TDRD3: variants seen among roughly 807,000 people sequenced by gnomAD.
The protein encoded by TDRD3 is tudor domain containing 3.
In TDRD3, 45 loss-of-function variants were observed where a neutral mutation model predicts 86.7. That is an observed-to-expected ratio of 0.52 (90% CI 0.41 to 0.67). The LOEUF (loss-of-function observed/expected upper bound fraction) is 0.67, where lower values mean the gene tolerates loss of function less well. TDRD3 is among the 30% of genes least tolerant of loss of function. TDRD3 has a pLI of 0.00. For missense variants in TDRD3, 814 were observed against 889.0 expected (o/e 0.92, Z 1.07); for synonymous variants, 298 against 301.7 (o/e 0.99, Z 0.13).
At chr13:60,396,065 C>A (rs1953891825), upstream of TDRD3, among the ~76,000 whole-genome samples, 1 of 152,168 alleles carries the variant, frequency 6.6e-6, no homozygotes, top group Non-Finnish European at 1.5e-5. Flanking sequence ...GGGCAATTAT[C>A]CCCTTCCTTC....
intron 7 of TDRD3, among the ~76,000 whole-genome samples, chr13:60,489,178 C>T (rs1956522113): frequency 6.6e-6 from 1 of 152,104 alleles, no homozygotes; most frequent in Non-Finnish European, 1.5e-5. Context: ...TATTGATAGC[C>T]AAAGTTCTCT....
At chr13:60,556,676 C>T (rs1958194233) in intron 12 of TDRD3, among the ~76,000 whole-genome samples, 1 of 152,034 alleles carries the variant, frequency 6.6e-6, no homozygotes, top group African/African-American at 2.4e-5. Flanking sequence ...TTCATGAGAA[C>T]TAATAGCATT....
chr13:60,485,681 G>A, intron 6 of TDRD3, 118 bp from the exon 7 acceptor site: 1 of 803,376 alleles, frequency 1.2e-6, no homozygotes, highest in Non-Finnish European at 1.7e-6. Context: ...TTTTATTTGT[G>A]TAGGCTTTTA....
chr13:60,566,653 T>C (rs976674490), intron 12 of TDRD3, among the ~76,000 whole-genome samples: 5 of 152,172 alleles, frequency 3.3e-5, no homozygotes, highest in Non-Finnish European at 5.9e-5. Context: ...GCTAATTTTT[T>C]CTCTCTCTAA....
At chr13:60,404,601 C>T (rs909285459) in intron 1 of TDRD3, among the ~76,000 whole-genome samples, 5 of 151,128 alleles carry the variant, frequency 3.3e-5, no homozygotes, top group South Asian at 4.2e-4. Flanking sequence ...TGAGCCACCG[C>T]GCCCGGCCCT....
chr13:60,426,249 G>C (rs1360554941), intron 1 of TDRD3, among the ~76,000 whole-genome samples: 1 of 152,178 alleles, frequency 6.6e-6, no homozygotes, highest in African/African-American at 2.4e-5. Context: ...TATAGAAATA[G>C]AGAATGAAAC....
intron 1 of TDRD3, among the ~76,000 whole-genome samples, chr13:60,409,815 G>T (rs1954315620): frequency 6.6e-6 from 1 of 152,190 alleles, no homozygotes; most frequent in African/African-American, 2.4e-5. Flanking sequence ...TAAGACTTTG[G>T]TGGACTGTTC....
chr13:60,540,412 T>C (rs372505295), intron 12 of TDRD3, among the ~76,000 whole-genome samples: 1 of 152,206 alleles, frequency 6.6e-6, no homozygotes, highest in East Asian at 1.9e-4. Flanking sequence ...ACCCAGCCTT[T>C]TACCATTTTT....
intron 12 of TDRD3, among the ~76,000 whole-genome samples, chr13:60,559,494 C>T (rs561910348): frequency 2.6e-5 from 4 of 152,232 alleles, no homozygotes; most frequent in East Asian, 3.9e-4. Flanking sequence ...ATTATATATT[C>T]GTTCCTGTAC....
At chr13:60,486,455 T>C (rs1956438470) in intron 7 of TDRD3, among the ~76,000 whole-genome samples, 1 of 152,196 alleles carries the variant, frequency 6.6e-6, no homozygotes, top group Non-Finnish European at 1.5e-5. Context: ...CTTTACATTA[T>C]ATGTCTATTT....
Position 60,497,096 on chromosome 13 carries a change from A to G in TDRD3, c.858+2521A>G, listed in dbSNP as rs113325595. ...GATTGGGAGCGGCAGCTGGCACCCCACTGGATCAGAAACACAGTGGACACC... is the reference window on the plus strand; with the variant it reads ...GATTGGGAGCGGCAGCTGGCACCCCGCTGGATCAGAAACACAGTGGACACC... On this transcript the variant is annotated intron_variant, in intron 8 of 13. Transcript: ENST00000377881. 8.3e-3 allele frequency among the ~76,000 whole-genome samples: 1,269 copies of G among 152,276 alleles called. 8 individuals carry two copies. Among genetic ancestry groups the G allele is most frequent in the Middle Eastern group, 0.024 (7 of 294 alleles).
intron 7 of TDRD3, among the ~76,000 whole-genome samples, chr13:60,489,121 C>A (rs913276138): frequency 2.6e-5 from 4 of 152,102 alleles, no homozygotes; most frequent in Admixed American, 1.3e-4. Context: ...TCCAAAAAAT[C>A]TTTGCCCAGA....
chr13:60,462,684 T>C (rs968211042), intron 4 of TDRD3, among the ~76,000 whole-genome samples: 1 of 152,084 alleles, frequency 6.6e-6, no homozygotes, highest in African/African-American at 2.4e-5. Context: ...ATTATTATTA[T>C]TATTATTACA....
chr13:60,453,845 GCTGGCTTGGAGT>G (rs1955602718), intron 3 of TDRD3, among the ~76,000 whole-genome samples: 1 of 152,050 alleles, frequency 6.6e-6, no homozygotes. Flanking sequence ...TGCTTCTTGA[GCTGGCTTGGAGT>G]GCTGTTCATG....
At chr13:60,487,557 G>T (rs149038467) in intron 7 of TDRD3, among the ~76,000 whole-genome samples, 2 of 152,288 alleles carry the variant, frequency 1.3e-5, no homozygotes, top group East Asian at 1.9e-4. Flanking sequence ...TTATGTAAGC[G>T]ACTTGAGCAT....
intron 10 of TDRD3, among the ~76,000 whole-genome samples, chr13:60,513,956 G>T (rs1462072419): frequency 1.3e-5 from 2 of 152,200 alleles, no homozygotes; most frequent in Non-Finnish European, 2.9e-5. Context: ...CCGAAAATGT[G>T]GAAGTGACTT....
At chr13:60,493,410 T>A (rs961683855) in intron 7 of TDRD3, among the ~76,000 whole-genome samples, 2 of 152,032 alleles carry the variant, frequency 1.3e-5, no homozygotes, top group Admixed American at 1.3e-4. Context: ...GCCTGTAACT[T>A]CAGCACTTTG....
intron 1 of TDRD3, among the ~76,000 whole-genome samples, chr13:60,419,587 C>G (rs1954606190): frequency 6.6e-6 from 1 of 151,866 alleles, no homozygotes. Context: ...ACAGTGAGAA[C>G]ACATGGACAC....
intron 12 of TDRD3, among the ~76,000 whole-genome samples, chr13:60,547,042 A>C (rs929242500): frequency 3.3e-5 from 5 of 152,214 alleles, no homozygotes; most frequent in Non-Finnish European, 5.9e-5. Flanking sequence ...GAAAAAAAAT[A>C]ATTTCAAAGT....
Sources: gnomAD v4.1 joint callset for allele counts (sites outside exome capture counted in the v4.1 genomes callset) on GRCh38, gnomAD v4.1.1 for gene constraint, MANE v1.5 for transcripts, NCBI Gene and HGNC (gene_info 2026-07-23, HGNC 2026-07-21) for gene names.